SLC39A12: variants seen among roughly 807,000 people sequenced by gnomAD.
SLC39A12 encodes the protein zinc transporter ZIP12.
A neutral mutation model predicts 71.1 loss-of-function variants in SLC39A12; 63 were observed. The ratio of observed to expected loss-of-function variants is 0.89; its 90% CI spans 0.72 to 1.09. SLC39A12 has a LOEUF of 1.09. Among genes scored for constraint, SLC39A12 ranks in the 50% least tolerant of loss-of-function variants. The pLI, the probability that SLC39A12 is intolerant of heterozygous loss-of-function variation, is 0.00. For missense variants in SLC39A12, 892 were observed against 812.6 expected, an observed-to-expected ratio of 1.10 and a Z score of -1.19; for synonymous variants, 351 against 301.3, an observed-to-expected ratio of 1.16 and a Z score of -1.71.
intron 4 of SLC39A12, among the ~76,000 whole-genome samples, chr10:17,970,633 A>G (rs1834944873): frequency 6.7e-6 from 1 of 150,036 alleles, no homozygotes; most frequent in African/African-American, 2.5e-5. Context: ...TTGATGTTGT[A>G]TTCTGCAACT....
chr10:18,024,041 C>T (rs1047281074), intron 12 of SLC39A12, among the ~76,000 whole-genome samples: 1 of 152,112 alleles, frequency 6.6e-6, no homozygotes, highest in Non-Finnish European at 1.5e-5. Flanking sequence ...AAGGGCAGGC[C>T]TGTTGGTTAC....
intron 3 of SLC39A12, among the ~76,000 whole-genome samples, chr10:17,965,215 GA>G (rs932730438): frequency 9.0e-5 from 13 of 143,654 alleles, no homozygotes; most frequent in East Asian, 2.0e-4. Context: ...CTAAAAAAAA[GA>G]AAAAAAAAAG....
intron 3 of SLC39A12, 21 bp from the exon 4 acceptor site, chr10:17,965,462 T>G (rs201941854): frequency 1.2e-6 from 2 of 1,608,510 alleles, no homozygotes; most frequent in African/African-American, 1.3e-5. Flanking sequence ...AATTTTCTCT[T>G]TATTTTGTAT....
At chr10:17,983,255 G>A (rs900495458) in intron 6 of SLC39A12, among the ~76,000 whole-genome samples, 4 of 151,154 alleles carry the variant, frequency 2.6e-5, no homozygotes, top group African/African-American at 9.7e-5. Context: ...CTTTGGGAGG[G>A]CAAGGCAGGA....
At chr10:18,001,706 G>T (rs1835838665) in intron 11 of SLC39A12, 1 of 152,088 alleles carries the variant, frequency 6.6e-6, no homozygotes, top group Admixed American at 6.5e-5. Context: ...GTACATAGTG[G>T]TTGTATGTAT....
intron 2 of SLC39A12, among the ~76,000 whole-genome samples, chr10:17,959,686 CT>C (rs1834637351): frequency 6.6e-6 from 1 of 152,174 alleles, no homozygotes; most frequent in South Asian, 2.1e-4. Flanking sequence ...CCCCAACTGT[CT>C]CTGCAGAAAG....
At chr10:17,985,570 C>T (rs1835377833) in intron 6 of SLC39A12, among the ~76,000 whole-genome samples, 1 of 151,860 alleles carries the variant, frequency 6.6e-6, no homozygotes. Context: ...TCATAATTAG[C>T]TTTCCTCATT....
At chr10:17,997,269 C>A (rs1228781051) in intron 10 of SLC39A12, among the ~76,000 whole-genome samples, 1 of 152,080 alleles carries the variant, frequency 6.6e-6, no homozygotes, top group African/African-American at 2.4e-5. Flanking sequence ...GGGATGTAGT[C>A]AGGGATAGAA....
intron 7 of SLC39A12, among the ~76,000 whole-genome samples, chr10:17,987,901 C>T (rs1212385525): frequency 3.3e-5 from 5 of 152,036 alleles, no homozygotes; most frequent in Admixed American, 3.3e-4. Context: ...TGGCAGGGCA[C>T]GGTGGCTCAC....
chr10:17,994,730 G>A (rs1253930041), intron 9 of SLC39A12, among the ~76,000 whole-genome samples: 1 of 152,004 alleles, frequency 6.6e-6, no homozygotes, highest in East Asian at 1.9e-4. Flanking sequence ...TCCAAAAACA[G>A]CCTATCATTA....
At chr10:17,964,532 C>A (rs1304052309) in intron 3 of SLC39A12, among the ~76,000 whole-genome samples, 1 of 152,182 alleles carries the variant, frequency 6.6e-6, no homozygotes, top group Non-Finnish European at 1.5e-5. Flanking sequence ...ATTGTAGGCA[C>A]TCAAATGTCT....
At chr10:18,034,109 G>GA (rs1191779525) in intron 12 of SLC39A12, among the ~76,000 whole-genome samples, 26 of 151,952 alleles carry the variant, frequency 1.7e-4, no homozygotes, top group African/African-American at 6.0e-4. Context: ...GTGTGGTGCT[G>GA]AAAAAAATGT....
intron 12 of SLC39A12, among the ~76,000 whole-genome samples, chr10:18,017,934 C>A (rs574056476): frequency 1.3e-5 from 2 of 152,234 alleles, no homozygotes; most frequent in Non-Finnish European, 2.9e-5. Context: ...CTTGCTGGGA[C>A]TTTGATTTGG....
At chr10:17,972,869 T>A (rs1451505693) in intron 4 of SLC39A12, among the ~76,000 whole-genome samples, 1 of 152,138 alleles carries the variant, frequency 6.6e-6, no homozygotes, top group Non-Finnish European at 1.5e-5. Context: ...GACTCGCTCC[T>A]GCCATTTTGT....
chr10:17,983,898 T>C (rs1250417869), intron 6 of SLC39A12, among the ~76,000 whole-genome samples: 3 of 152,176 alleles, frequency 2.0e-5, no homozygotes, highest in Non-Finnish European at 4.4e-5. Context: ...TATAGAAATA[T>C]ATGATATTAT....
chr10:17,967,134 GT>G (rs557026448), intron 4 of SLC39A12, among the ~76,000 whole-genome samples: 2,056 of 151,588 alleles, frequency 0.014, 39 homozygotes, highest in African/African-American at 0.043. Flanking sequence ...TTTGTTGCAA[GT>G]TTTTTTTTGT....
intron 4 of SLC39A12, among the ~76,000 whole-genome samples, chr10:17,977,627 T>C (rs1307553831): frequency 2.0e-5 from 3 of 152,200 alleles, no homozygotes; most frequent in African/African-American, 4.8e-5. Flanking sequence ...ACTAAAGTAA[T>C]AATTAATCTA....
intron 7 of SLC39A12, among the ~76,000 whole-genome samples, chr10:17,990,886 T>C (rs972170496): frequency 6.6e-6 from 1 of 152,256 alleles, no homozygotes; most frequent in Non-Finnish European, 1.5e-5. Context: ...TTAGGCTTCA[T>C]TCTGTTCATT....
chr10:18,026,448 A>T (rs921916296), intron 12 of SLC39A12, among the ~76,000 whole-genome samples: 5 of 148,874 alleles, frequency 3.4e-5, no homozygotes, highest in South Asian at 2.1e-4. Flanking sequence ...AAGGTGAGAT[A>T]TTTTTTTCAT....
Sources: gnomAD v4.1 joint callset for allele counts (sites outside exome capture counted in the v4.1 genomes callset) on GRCh38, gnomAD v4.1.1 for gene constraint, MANE v1.5 for transcripts, NCBI Gene and HGNC (gene_info 2026-07-23, HGNC 2026-07-21) for gene names.